AGMO: variants seen among roughly 807,000 people sequenced by gnomAD.
The protein encoded by AGMO is alkylglycerol monooxygenase, also known as glyceryl-ether monooxygenase.
AGMO carries 75 observed loss-of-function variants against 60.2 expected under a neutral mutation model. The ratio of observed to expected loss-of-function variants is 1.25; its 90% CI spans 1.03 to 1.51. The LOEUF (loss-of-function observed/expected upper bound fraction) is 1.51. Ranked by LOEUF, AGMO falls within the 40% of genes most tolerant of loss-of-function variation. The pLI is 0.00. For missense variants in AGMO, 763 were observed against 525.5 expected, an observed-to-expected ratio of 1.45 and a Z score of -4.42; for synonymous variants, 261 against 177.1, an observed-to-expected ratio of 1.47 and a Z score of -3.76.
the AGMO span, among the ~76,000 whole-genome samples, chr7:15,191,973 T>A: frequency 0.034 from 4,864 of 144,764 alleles, 225 homozygotes; most frequent in African/African-American, 0.11. Flanking sequence ...TGTCTCTCTC[T>A]CACACACACA....
intron 12 of AGMO, among the ~76,000 whole-genome samples, chr7:15,352,466 TAGATC>T (rs1365295981): frequency 6.6e-6 from 1 of 150,432 alleles, no homozygotes; most frequent in Non-Finnish European, 1.5e-5. Flanking sequence ...TTTTTTTCCT[TAGATC>T]AGGGTGCAAA....
chr7:15,561,041 C>A (rs1330756185), intron 1 of AGMO, among the ~76,000 whole-genome samples: 2 of 152,118 alleles, frequency 1.3e-5, no homozygotes, highest in East Asian at 1.9e-4. Flanking sequence ...GCTTTCTAAA[C>A]TGAACTCTCA....
At chr7:15,159,263 TATG>T in the AGMO span, among the ~76,000 whole-genome samples, 4 of 152,290 alleles carry the variant, frequency 2.6e-5, no homozygotes, top group African/African-American at 9.6e-5. Context: ...GAAACCTATT[TATG>T]ATGAGGCAAA....
intron 3 of AGMO, among the ~76,000 whole-genome samples, chr7:15,438,663 C>T (rs1015335432): frequency 2.3e-4 from 35 of 152,048 alleles, no homozygotes; most frequent in Admixed American, 1.6e-3. Flanking sequence ...ATCAACATGA[C>T]GAATATTTAG....
At chr7:15,190,045 T>G in the AGMO span, among the ~76,000 whole-genome samples, 1 of 144,484 alleles carries the variant, frequency 6.9e-6, no homozygotes, top group Non-Finnish European at 1.6e-5. Flanking sequence ...GGTGTTTGTG[T>G]AGTCCATGTA....
At chr7:15,150,918 G>A in the AGMO span, among the ~76,000 whole-genome samples, 2 of 152,008 alleles carry the variant, frequency 1.3e-5, no homozygotes, top group African/African-American at 2.4e-5. Flanking sequence ...TTATATGTCT[G>A]GTAGAATTTG....
chr7:15,160,875 C>G, the AGMO span, among the ~76,000 whole-genome samples: 2 of 152,004 alleles, frequency 1.3e-5, no homozygotes, highest in African/African-American at 4.8e-5. Context: ...TTACAATGAA[C>G]AAAAATTTAT....
intron 3 of AGMO, among the ~76,000 whole-genome samples, chr7:15,469,167 A>G (rs890891667): frequency 2.6e-5 from 4 of 152,066 alleles, no homozygotes; most frequent in African/African-American, 4.8e-5. Context: ...ATCTAGACCA[A>G]TCTCACATGT....
chr7:15,363,909 G>C (rs182396368), intron 12 of AGMO, among the ~76,000 whole-genome samples: 4 of 151,894 alleles, frequency 2.6e-5, no homozygotes, highest in Admixed American at 2.6e-4. Context: ...AGGTGTTAAA[G>C]TGCCATTTTC....
intron 12 of AGMO, among the ~76,000 whole-genome samples, chr7:15,263,335 A>G (rs1484652582): frequency 6.6e-6 from 1 of 152,050 alleles, no homozygotes; most frequent in Non-Finnish European, 1.5e-5. Flanking sequence ...AAAATGTTCA[A>G]CATCACTCAT....
intron 5 of AGMO, among the ~76,000 whole-genome samples, chr7:15,399,151 C>A (rs946422650): frequency 1.3e-5 from 2 of 152,052 alleles, no homozygotes; most frequent in African/African-American, 2.4e-5. Flanking sequence ...ATATTGTATT[C>A]TGTAAGTTGT....
At chr7:15,157,975 A>C in the AGMO span, among the ~76,000 whole-genome samples, 1 of 152,160 alleles carries the variant, frequency 6.6e-6, no homozygotes, top group East Asian at 1.9e-4. Flanking sequence ...TCTGGTTGCT[A>C]AGCAGGATCC....
intron 12 of AGMO, among the ~76,000 whole-genome samples, chr7:15,255,954 G>C (rs73679458): frequency 8.1e-4 from 124 of 152,284 alleles, no homozygotes; most frequent in African/African-American, 2.9e-3. Flanking sequence ...CTGAATAAGA[G>C]AGAAGAACAG....
chr7:15,270,290 T>C (rs1184446501), intron 12 of AGMO, among the ~76,000 whole-genome samples: 1 of 152,078 alleles, frequency 6.6e-6, no homozygotes, highest in Non-Finnish European at 1.5e-5. Context: ...TTTGACTTTG[T>C]ATTATTATTT....
intron 12 of AGMO, among the ~76,000 whole-genome samples, chr7:15,309,675 A>G (rs767231534): frequency 9.2e-5 from 14 of 151,408 alleles, no homozygotes; most frequent in Non-Finnish European, 1.6e-4. Flanking sequence ...ATTTGTGTAT[A>G]TATCCTCTCT....
intron 12 of AGMO, 62 bp from the exon 13 acceptor site, chr7:15,201,421 T>G (rs755668483): frequency 3.0e-5 from 36 of 1,188,094 alleles, no homozygotes; most frequent in Non-Finnish European, 4.3e-5. Flanking sequence ...ATTGCTCAAC[T>G]GAATTAAAAA....
intron 3 of AGMO, among the ~76,000 whole-genome samples, chr7:15,512,184 T>C (rs1035107414): frequency 2.6e-5 from 4 of 152,202 alleles, no homozygotes; most frequent in African/African-American, 9.7e-5. Context: ...TGTCATCTTC[T>C]AAAATAAAAT....
At chr7:15,205,506 G>T (rs939178618) in intron 12 of AGMO, among the ~76,000 whole-genome samples, 3 of 152,114 alleles carry the variant, frequency 2.0e-5, no homozygotes, top group African/African-American at 7.2e-5. Context: ...TGGATTGCCA[G>T]CAGTGGTATG....
intron 12 of AGMO, among the ~76,000 whole-genome samples, chr7:15,319,765 C>A (rs1180260261): frequency 6.6e-6 from 1 of 152,024 alleles, no homozygotes; most frequent in Non-Finnish European, 1.5e-5. Flanking sequence ...TCACTTCCAA[C>A]TCAAAACTGG....
Sources: gnomAD v4.1 joint callset for allele counts (sites outside exome capture counted in the v4.1 genomes callset) on GRCh38, gnomAD v4.1.1 for gene constraint, MANE v1.5 for transcripts, NCBI Gene and HGNC (gene_info 2026-07-23, HGNC 2026-07-21) for gene names.